ANO3: variants seen among roughly 807,000 people sequenced by gnomAD.
ANO3 encodes the protein anoctamin 3.
Under a neutral mutation model 144.8 loss-of-function variants are expected in ANO3, and 99 were observed. That is an observed-to-expected ratio of 0.68 (90% CI 0.58 to 0.81). The LOEUF (loss-of-function observed/expected upper bound fraction) is 0.81. Among genes scored for constraint, ANO3 ranks in the 30% least tolerant of loss-of-function variants. ANO3 has a pLI of 0.00. For missense variants in ANO3, 905 were observed against 1,202.2 expected (o/e 0.75, Z 3.66); for synonymous variants, 414 against 392.6 (o/e 1.05, Z -0.64).
intron 10 of ANO3, among the ~76,000 whole-genome samples, chr11:26,538,792 A>C (rs1849573669): frequency 6.6e-6 from 1 of 152,202 alleles, no homozygotes; most frequent in Admixed American, 6.5e-5. Context: ...AGAACACAAA[A>C]CAATGTTGTT....
At chr11:26,222,088 C>T (rs1852157553) in intron 1 of ANO3, among the ~76,000 whole-genome samples, 1 of 152,190 alleles carries the variant, frequency 6.6e-6, no homozygotes, top group African/African-American at 2.4e-5. Context: ...TCCTAAGTCT[C>T]ATCTGAGACT....
At chr11:26,445,407 GCATTTT>G (rs1406719300) in intron 3 of ANO3, among the ~76,000 whole-genome samples, 1 of 152,000 alleles carries the variant, frequency 6.6e-6, no homozygotes, top group Non-Finnish European at 1.5e-5. Flanking sequence ...TTAATTCCTT[GCATTTT>G]ATTTTTGATG....
intron 1 of ANO3, among the ~76,000 whole-genome samples, chr11:26,420,888 G>C (rs16915655): frequency 0.25 from 38,084 of 151,916 alleles, 5,172 homozygotes; most frequent in African/African-American, 0.34. Context: ...TTAAAAATGA[G>C]AGTAGATATG....
At chr11:26,468,925 G>A (rs1859687787) in intron 4 of ANO3, among the ~76,000 whole-genome samples, 1 of 151,814 alleles carries the variant, frequency 6.6e-6, no homozygotes, top group African/African-American at 2.4e-5. Flanking sequence ...TTATTAAGTG[G>A]TATCCTAAAT....
chr11:26,203,837 T>G (rs1851745153), intron 1 of ANO3, among the ~76,000 whole-genome samples: 1 of 152,118 alleles, frequency 6.6e-6, no homozygotes, highest in Non-Finnish European at 1.5e-5. Flanking sequence ...TACAAAAGTT[T>G]CTCTCATCTT....
At chr11:26,653,317 G>A (rs1217799970) in intron 24 of ANO3, among the ~76,000 whole-genome samples, 1 of 151,938 alleles carries the variant, frequency 6.6e-6, no homozygotes, top group Non-Finnish European at 1.5e-5. Context: ...AGTGGCTCAG[G>A]CCATGATCCT....
In ANO3 at chr11:26,565,823, C is replaced by T. The variant is rs575183322; in HGVS notation, c.1447+6044C>T. The stretch of plus-strand genomic sequence containing the variant: ...TCCCCGATAGAAGTGAATAAAACAA[C>T]GTTGAAATCAACAGAATTTTGGCTA... On this transcript the variant is annotated intron_variant, in intron 14 of 26. Coordinates refer to ENST00000256737, the MANE Select transcript of ANO3 (RefSeq NM_031418.4). 1.4e-4 allele frequency: 233 copies of T among 1,612,566 alleles called. 3 individuals are homozygous for T. The South Asian group carries it at 2.2e-3, about 15-fold the overall frequency.
intron 24 of ANO3, among the ~76,000 whole-genome samples, chr11:26,655,565 C>A (rs1416728570): frequency 6.6e-6 from 1 of 152,136 alleles, no homozygotes; most frequent in African/African-American, 2.4e-5. Context: ...TCTATACAAT[C>A]TACTTATTAA....
intron 1 of ANO3, among the ~76,000 whole-genome samples, chr11:26,380,143 T>G (rs1473828555): frequency 6.6e-6 from 1 of 152,198 alleles, no homozygotes; most frequent in Non-Finnish European, 1.5e-5. Context: ...ATCTGCCATT[T>G]TAGGATTTCA....
chr11:26,442,417 C>T (rs547250004), intron 2 of ANO3, among the ~76,000 whole-genome samples: 44 of 152,324 alleles, frequency 2.9e-4, no homozygotes, highest in African/African-American at 1.0e-3. Flanking sequence ...AGTAACATTC[C>T]TGGCGAGAAC....
chr11:26,263,871 G>A (rs1011035262), intron 1 of ANO3, among the ~76,000 whole-genome samples: 1 of 152,084 alleles, frequency 6.6e-6, no homozygotes, highest in African/African-American at 2.4e-5. Flanking sequence ...TTCCTATAAA[G>A]ACTAATATAG....
intron 1 of ANO3, among the ~76,000 whole-genome samples, chr11:26,316,037 G>C (rs1413266112): frequency 6.6e-6 from 1 of 152,152 alleles, no homozygotes; most frequent in Non-Finnish European, 1.5e-5. Context: ...ATAGGAAATA[G>C]AATTATCTCC....
At chr11:26,639,751 A>G (rs1349639487) in intron 21 of ANO3, among the ~76,000 whole-genome samples, 1 of 152,184 alleles carries the variant, frequency 6.6e-6, no homozygotes, top group African/African-American at 2.4e-5. Context: ...TCAAAACAAT[A>G]GCATTCTATT....
At chr11:26,451,919 C>T (rs1396188230) in intron 3 of ANO3, among the ~76,000 whole-genome samples, 7 of 152,126 alleles carry the variant, frequency 4.6e-5, no homozygotes, top group Non-Finnish European at 7.3e-5. Flanking sequence ...CAGCAGCATT[C>T]GCGGTTCACG....
intron 1 of ANO3, among the ~76,000 whole-genome samples, chr11:26,422,534 T>G (rs1241363443): frequency 6.6e-6 from 1 of 152,036 alleles, no homozygotes; most frequent in Non-Finnish European, 1.5e-5. Flanking sequence ...AAAGTTGCAT[T>G]AAATGTTACT....
At chr11:26,537,118 C>T (rs1190447153) in intron 9 of ANO3, among the ~76,000 whole-genome samples, 1 of 151,530 alleles carries the variant, frequency 6.6e-6, no homozygotes, top group Non-Finnish European at 1.5e-5. Flanking sequence ...TTCTGGGTCA[C>T]ATGATCCTAA....
At chr11:26,400,798 T>C (rs1366849300) in intron 1 of ANO3, among the ~76,000 whole-genome samples, 1 of 151,300 alleles carries the variant, frequency 6.6e-6, no homozygotes, top group Non-Finnish European at 1.5e-5. Context: ...CATTTTTCAA[T>C]AAGTAATTAA....
At chr11:26,491,843 T>G (rs1860722628) in intron 4 of ANO3, among the ~76,000 whole-genome samples, 1 of 152,206 alleles carries the variant, frequency 6.6e-6, no homozygotes, top group African/African-American at 2.4e-5. Flanking sequence ...TTATAATTTT[T>G]TGAAGTTTTC....
At chr11:26,392,422 G>A (rs1856906090) in intron 1 of ANO3, among the ~76,000 whole-genome samples, 1 of 151,920 alleles carries the variant, frequency 6.6e-6, no homozygotes, top group Non-Finnish European at 1.5e-5. Context: ...ATACTCTGTG[G>A]TATAAATTGT....
Sources: gnomAD v4.1 joint callset for allele counts (sites outside exome capture counted in the v4.1 genomes callset) on GRCh38, gnomAD v4.1.1 for gene constraint, MANE v1.5 for transcripts, NCBI Gene and HGNC (gene_info 2026-07-23, HGNC 2026-07-21) for gene names.